TNS1: variants seen among roughly 807,000 people sequenced by gnomAD.
The protein encoded by TNS1 is tensin-1.
In TNS1, 62 loss-of-function variants were observed where a neutral mutation model predicts 168.6. The observed-to-expected ratio is 0.37, with a 90% CI of 0.30 to 0.45. TNS1 has a LOEUF of 0.45. Ranked by LOEUF, TNS1 falls within the 20% of genes least tolerant of loss-of-function variation. The probability of loss-of-function intolerance (pLI) is 1.00; values close to 1 mark genes in which losing one functional copy is unlikely to be tolerated. For synonymous variants in TNS1, 934 were observed against 933.2 expected, an observed-to-expected ratio of 1.00 and a Z score of -0.02; for missense variants, 2,240 against 2,339.4, an observed-to-expected ratio of 0.96 and a Z score of 0.88.
intron 11 of TNS1, 34 bp downstream of exon 11, chr2:217,892,914 G>A (rs370998277): frequency 1.9e-6 from 3 of 1,611,230 alleles, no homozygotes; most frequent in African/African-American, 1.3e-5. Context: ...CACTGTCGAT[G>A]TTCAGAGGAT....
chr2:218,031,163 A>G (rs199692508), intron 1 of TNS1, among the ~76,000 whole-genome samples: 34,111 of 125,914 alleles, frequency 0.27, 6,196 homozygotes, highest in African/African-American at 0.6. Context: ...GAGCATGTCT[A>G]TGAGTGTCTT....
chr2:217,928,941 C>A (rs1486363489), intron 3 of TNS1, among the ~76,000 whole-genome samples: 4 of 152,232 alleles, frequency 2.6e-5, no homozygotes, highest in African/African-American at 9.6e-5. Flanking sequence ...CACACCCACA[C>A]ACAGAGCAGC....
intron 22 of TNS1, among the ~76,000 whole-genome samples, chr2:217,826,064 C>A (rs1489522276): frequency 6.6e-6 from 1 of 152,142 alleles, no homozygotes; most frequent in Non-Finnish European, 1.5e-5. Flanking sequence ...TCACCGGGCC[C>A]CCACCTCCTT....
intron 1 of TNS1, among the ~76,000 whole-genome samples, chr2:218,022,174 G>C (rs1392467122): frequency 6.6e-6 from 1 of 152,094 alleles, no homozygotes; most frequent in Non-Finnish European, 1.5e-5. Context: ...GGGCAGGAGA[G>C]GGAGAGGAGA....
intron 18 of TNS1, chr2:217,859,788 T>C: frequency 1.8e-6 from 2 of 1,121,018 alleles, no homozygotes; most frequent in South Asian, 2.8e-5. Flanking sequence ...CCGAGAGCCA[T>C]GCAGCTGAAA....
At chr2:217,918,706 G>A (rs1242682399) in intron 4 of TNS1, among the ~76,000 whole-genome samples, 1 of 152,178 alleles carries the variant, frequency 6.6e-6, no homozygotes, top group East Asian at 1.9e-4. Context: ...TTAGCCACAA[G>A]GTGGGAGTTC....
chr2:217,844,251 T>C (rs1441138414), intron 19 of TNS1, among the ~76,000 whole-genome samples: 1 of 152,136 alleles, frequency 6.6e-6, no homozygotes, highest in Non-Finnish European at 1.5e-5. Flanking sequence ...GGCTATCTAA[T>C]AAGCTCCTAT....
chr2:217,890,879 A>C lies in TNS1; in HGVS notation c.866+83T>G, dbSNP rs1381304935. ...ACCCCCACCTAGGCACAGCTATCCC[A>C]TCCCTGTGAGTACACAAGTCTAGTC... On this transcript the variant is annotated intron_variant, in intron 12 of 32. Transcript: ENST00000682258. 1.3e-5 allele frequency: 19 copies of C among 1,469,688 alleles called. No individual in the cohort carries two copies. In the East Asian group the frequency reaches 4.1e-4, roughly 32 times the overall value. The allele number at this position is 1,469,688 out of a possible 1,614,324, so 91.0% of individuals were successfully genotyped here.
At chr2:217,862,037 C>T (rs1559258612) in intron 18 of TNS1, among the ~76,000 whole-genome samples, 1 of 152,184 alleles carries the variant, frequency 6.6e-6, no homozygotes, top group Non-Finnish European at 1.5e-5. Flanking sequence ...ATTCCATTAA[C>T]AAATACTGAG....
intron 3 of TNS1, among the ~76,000 whole-genome samples, chr2:217,943,143 C>A (rs574345341): frequency 4.7e-4 from 72 of 152,234 alleles, no homozygotes; most frequent in Middle Eastern, 6.8e-3. Flanking sequence ...CCTGGATTAG[C>A]CATTTCTGCC....
chr2:217,809,516 GATGGATAGGTGCATGGATGGATGC>G (rs1940310445), intron 30 of TNS1, among the ~76,000 whole-genome samples: 2 of 87,414 alleles, frequency 2.3e-5, no homozygotes, highest in African/African-American at 5.6e-5. Context: ...TGGATGGATG[GATGGATAGGTGCATGGATGGATGC>G]ATGGATGGAT....
At chr2:218,028,094 C>A (rs1958864801) in intron 1 of TNS1, among the ~76,000 whole-genome samples, 2 of 152,228 alleles carry the variant, frequency 1.3e-5, no homozygotes, top group African/African-American at 4.8e-5. Flanking sequence ...CCACCTCTGC[C>A]AGCCCCAGCT....
chr2:217,800,023 C>T lies in TNS1; in HGVS notation c.*4436G>A, dbSNP rs1937241489. The T allele has an allele frequency of 6.6e-6, 1 of 152,156 alleles. No individual in the cohort carries two copies. Among genetic ancestry groups the T allele is most frequent in the Non-Finnish European group, 1.5e-5 (1 of 68,036 alleles). 9.4% of individuals were successfully genotyped at this position (152,156 alleles called of 1,614,324 possible). ...GGGGTGGGGAAGGATGCTGGGTGAT[C>T]TTGTTTCCCCCGCAGAGGGCCTGGG... On this transcript the variant is annotated 3_prime_UTR_variant, in exon 33 of 33. Coordinates refer to ENST00000682258, the MANE Select transcript of TNS1 (RefSeq NM_001387777.1).
intron 1 of TNS1, among the ~76,000 whole-genome samples, chr2:218,024,930 C>A (rs1360261983): frequency 6.6e-6 from 1 of 152,196 alleles, no homozygotes; most frequent in African/African-American, 2.4e-5. Flanking sequence ...GTCCAAGCAG[C>A]ACCATGTCAA....
chr2:217,832,005 A>G (rs1944501488), intron 21 of TNS1, among the ~76,000 whole-genome samples: 1 of 152,004 alleles, frequency 6.6e-6, no homozygotes, highest in Admixed American at 6.6e-5. Flanking sequence ...ATGTACTTGG[A>G]TGGATTCAGA....
intron 2 of TNS1, among the ~76,000 whole-genome samples, chr2:217,987,472 G>A (rs1250971442): frequency 6.6e-6 from 1 of 152,104 alleles, no homozygotes; most frequent in African/African-American, 2.4e-5. Flanking sequence ...ACCTCTTTTG[G>A]CCATATTACA....
intron 18 of TNS1, chr2:217,879,397 T>C (rs995244825): frequency 1.3e-5 from 6 of 452,894 alleles, no homozygotes; most frequent in African/African-American, 2.0e-5. Context: ...CGCTCCAGCC[T>C]CTGCTTTCTG....
intron 3 of TNS1, among the ~76,000 whole-genome samples, chr2:217,941,465 G>A (rs1177342411): frequency 6.6e-6 from 1 of 152,214 alleles, no homozygotes; most frequent in African/African-American, 2.4e-5. Flanking sequence ...GTTGAGCCAC[G>A]GGTGTGAGGG....
At chr2:217,847,371 G>C in intron 19 of TNS1, 139 bp downstream of exon 19, 2 of 758,788 alleles carry the variant, frequency 2.6e-6, no homozygotes, top group Non-Finnish European at 3.8e-6. Flanking sequence ...GGGATAACTG[G>C]CTAGCATATA....
Sources: allele counts gnomAD v4.1 joint callset (sites outside exome capture counted in the v4.1 genomes callset), GRCh38; gene constraint gnomAD v4.1.1; transcripts MANE v1.5; gene names NCBI Gene and HGNC (gene_info 2026-07-23, HGNC 2026-07-21).